The following DLG2 variants were observed in gnomAD, a reference collection of about 807,000 sequenced individuals.
DLG2 encodes the protein disks large homolog 2.
In DLG2, 45 loss-of-function variants were observed where a neutral mutation model predicts 132.5. The ratio of observed to expected loss-of-function variants is 0.34; its 90% CI spans 0.27 to 0.44. The LOEUF is 0.44. DLG2 is among the 20% of genes least tolerant of loss of function. DLG2 has a pLI of 1.00. For missense variants in DLG2, 1,045 were observed against 1,196.9 expected, an observed-to-expected ratio of 0.87 and a Z score of 1.87; for synonymous variants, 424 against 419.6, an observed-to-expected ratio of 1.01 and a Z score of -0.13.
chr11:84,357,944 T>C (rs1051340965), intron 7 of DLG2, among the ~76,000 whole-genome samples: 2 of 151,934 alleles, frequency 1.3e-5, no homozygotes, highest in Non-Finnish European at 2.9e-5. Context: ...AATTAAAACA[T>C]TGGTATATAT....
intron 6 of DLG2, among the ~76,000 whole-genome samples, chr11:84,677,437 C>T (rs993894138): frequency 6.6e-6 from 1 of 151,976 alleles, no homozygotes; most frequent in African/African-American, 2.4e-5. Flanking sequence ...AGGAAAAAAA[C>T]CATATTTCTC....
At chr11:84,431,771 CA>C (rs2098985453) in intron 7 of DLG2, among the ~76,000 whole-genome samples, 1 of 152,044 alleles carries the variant, frequency 6.6e-6, no homozygotes, top group African/African-American at 2.4e-5. Context: ...CAAAGTAAAT[CA>C]TTCATTCTTC....
chr11:85,147,064 AT>A (rs1175623684), intron 5 of DLG2, among the ~76,000 whole-genome samples: 1 of 152,166 alleles, frequency 6.6e-6, no homozygotes, highest in Non-Finnish European at 1.5e-5. Flanking sequence ...GAACACACAG[AT>A]TTTCTGAATA....
At chr11:84,809,617 T>C (rs887138057) in intron 6 of DLG2, among the ~76,000 whole-genome samples, 1 of 151,988 alleles carries the variant, frequency 6.6e-6, no homozygotes, top group Non-Finnish European at 1.5e-5. Context: ...GTTGTGTTTC[T>C]ACATATTATC....
rs35082133 is a variant in DLG2 at position 85,267,884 on chromosome 11, A to ATGTGTGTG, written c.186+17328_186+17335dup. Among the ~76,000 whole-genome samples, 70 of 148,212 alleles carry ATGTGTGTG rather than the reference A, an allele frequency of 4.7e-4. 1 individual carries two copies. Among genetic ancestry groups the ATGTGTGTG allele is most frequent in the Admixed American group, 1.1e-3 (16 of 14,824 alleles). ...CTCAGACAACTGTGATGACTTTTGTATGTGTGTGTGTGTGTGTGTGTGTAC... is the reference window on the plus strand; with the variant it reads ...CTCAGACAACTGTGATGACTTTTGTATGTGTGTGTGTGTGTGTGTGTGTGTGTGTGTAC... On this transcript the variant is annotated intron_variant, in intron 4 of 27. Transcript: ENST00000376104.
intron 7 of DLG2, among the ~76,000 whole-genome samples, chr11:84,518,690 T>C (rs1270990055): frequency 1.3e-5 from 2 of 152,030 alleles, no homozygotes; most frequent in African/African-American, 4.8e-5. Flanking sequence ...ATTGCTGAGA[T>C]TTTTCCCCCC....
chr11:84,740,108 T>C (rs2064397758), intron 6 of DLG2, among the ~76,000 whole-genome samples: 1 of 150,596 alleles, frequency 6.6e-6, no homozygotes, highest in African/African-American at 2.4e-5. Context: ...AGAAGGAAGG[T>C]TGCAAGAAAG....
intron 22 of DLG2, among the ~76,000 whole-genome samples, chr11:83,474,487 C>G (rs915965232): frequency 6.6e-6 from 1 of 152,098 alleles, no homozygotes; most frequent in Non-Finnish European, 1.5e-5. Flanking sequence ...TAGACTATAA[C>G]TTTACAGGGG....
intron 7 of DLG2, among the ~76,000 whole-genome samples, chr11:84,466,396 C>A (rs2099094458): frequency 6.6e-6 from 1 of 150,950 alleles, no homozygotes; most frequent in African/African-American, 2.4e-5. Context: ...ATCACAAACA[C>A]AAAGATCTGA....
At position 84,703,887 on chromosome 11, in the gene DLG2, C is replaced by CGTGTGTGTGTGTGTGTGTGTGTGTGT. The variant is rs370287195; in HGVS notation, c.358-169182_358-169157dup. ...ATATATATATATATATATATATACA[C>CGTGTGTGTGTGTGTGTGTGTGTGTGT]GTGTGTGTGTGTGTGTGTGTGTGTG... On this transcript the variant is annotated intron_variant, in intron 6 of 27. Coordinates refer to ENST00000376104, the MANE Select transcript of DLG2 (RefSeq NM_001142699.3). 3.5e-5 allele frequency among the ~76,000 whole-genome samples: 4 copies of CGTGTGTGTGTGTGTGTGTGTGTGTGT among 114,722 alleles called. No individual in the cohort carries two copies. The South Asian group carries it at 1.2e-3, about 34-fold the overall frequency. The allele number at this position is 114,722 out of a possible 152,430, so 75.3% of individuals were successfully genotyped here.
intron 6 of DLG2, among the ~76,000 whole-genome samples, chr11:84,624,747 A>T (rs1343433984): frequency 6.7e-6 from 1 of 149,660 alleles, no homozygotes; most frequent in Non-Finnish European, 1.5e-5. Flanking sequence ...TAGTGCAAGC[A>T]CTCCCCACTT....
intron 7 of DLG2, among the ~76,000 whole-genome samples, chr11:84,400,661 T>C (rs1350594247): frequency 6.6e-6 from 1 of 152,190 alleles, no homozygotes; most frequent in Non-Finnish European, 1.5e-5. Context: ...TAAGTTTCCT[T>C]TTCTCAAATG....
chr11:85,054,501 C>A (rs1171650708), intron 6 of DLG2, among the ~76,000 whole-genome samples: 1 of 152,064 alleles, frequency 6.6e-6, no homozygotes, highest in South Asian at 2.1e-4. Flanking sequence ...ACCATTTAAC[C>A]CAGCAGTCCC....
chr11:85,093,322 A>AT (rs2069138777), intron 6 of DLG2, among the ~76,000 whole-genome samples: 6 of 150,808 alleles, frequency 4.0e-5, no homozygotes, highest in Non-Finnish European at 1.5e-5. Flanking sequence ...TTTTTTTTGT[A>AT]TTTTTTGTGT....
rs935770369 is a variant in DLG2, at chr11:84,467,721, C to T, written c.519+66849G>A. ...AATAGTAGGGGAATTTGAATAGGGACTAGCTATTAAATAATGTTAGAAAGT... is the reference window on the plus strand; with the variant it reads ...AATAGTAGGGGAATTTGAATAGGGATTAGCTATTAAATAATGTTAGAAAGT... On this transcript the variant is annotated intron_variant, in intron 7 of 27. Transcript: ENST00000376104. Among the ~76,000 whole-genome samples, 4 of 151,420 alleles carry T rather than the reference C, an allele frequency of 2.6e-5. No homozygotes were observed. The Middle Eastern group carries it at 0.01, about 386-fold the overall frequency.
chr11:83,846,911 A>C (rs2058710425), intron 16 of DLG2, among the ~76,000 whole-genome samples: 1 of 136,766 alleles, frequency 7.3e-6, no homozygotes, highest in African/African-American at 2.8e-5. Context: ...ACTTTTCATA[A>C]CCATACCTTC....
chr11:84,419,309 T>C (rs1163850304), intron 7 of DLG2, among the ~76,000 whole-genome samples: 1 of 152,208 alleles, frequency 6.6e-6, no homozygotes, highest in Non-Finnish European at 1.5e-5. Flanking sequence ...ACACGTTTTG[T>C]ATTCAATAAT....
chr11:85,411,152 G>T (rs2089274654), intron 3 of DLG2, among the ~76,000 whole-genome samples: 1 of 151,772 alleles, frequency 6.6e-6, no homozygotes, highest in African/African-American at 2.4e-5. Flanking sequence ...TACAAAGGAG[G>T]AGGAATAGTG....
intron 11 of DLG2, among the ~76,000 whole-genome samples, chr11:84,050,240 A>C (rs1184590082): frequency 6.6e-6 from 1 of 151,116 alleles, no homozygotes; most frequent in Non-Finnish European, 1.5e-5. Flanking sequence ...GTTGGTATGG[A>C]AGGGAGGGAC....
Sources: gnomAD v4.1 joint callset for allele counts (sites outside exome capture counted in the v4.1 genomes callset) on GRCh38, gnomAD v4.1.1 for gene constraint, MANE v1.5 for transcripts, NCBI Gene and HGNC (gene_info 2026-07-23, HGNC 2026-07-21) for gene names.